The following PHF3 variants were observed in gnomAD, a reference collection of about 807,000 sequenced individuals.
The protein encoded by PHF3 is PHD finger protein 3.
A neutral mutation model predicts 178.4 loss-of-function variants in PHF3; 41 were observed. The observed-to-expected ratio is 0.23, with a 90% CI of 0.18 to 0.30. PHF3 has a LOEUF of 0.30. Ranked by LOEUF, PHF3 falls within the 10% of genes least tolerant of loss-of-function variation. The pLI, the probability that PHF3 is intolerant of heterozygous loss-of-function variation, is 1.00. For synonymous variants in PHF3, 842 were observed against 800.5 expected, an observed-to-expected ratio of 1.05 and a Z score of -0.88; for missense variants, 2,346 against 2,398.1, an observed-to-expected ratio of 0.98 and a Z score of 0.45.
At chr6:63,696,540 A>G (rs1767236763) in intron 6 of PHF3, among the ~76,000 whole-genome samples, 1 of 152,192 alleles carries the variant, frequency 6.6e-6, no homozygotes, top group South Asian at 2.1e-4. Flanking sequence ...GCTGGTCTCA[A>G]ACTCCTGGCC....
At position 63,723,623 on chromosome 6, in the gene PHF3, G is replaced by C. The variant is rs1025763576; in HGVS notation, c.*9915G>C. Among the ~76,000 whole-genome samples, 3 of 151,950 alleles carry C rather than the reference G, an allele frequency of 2.0e-5. No individual in the cohort carries two copies. The highest frequency in any genetic ancestry group is 4.4e-5 in the Non-Finnish European group (3 of 67,992). ...AGCAAGGATAGCTTCTGCGAAGAAA[G>C]GATTATTTTAACTCAGCTAGTATGT... On this transcript the variant is annotated 3_prime_UTR_variant, in exon 16 of 16. Transcript: ENST00000262043.
chr6:63,712,118 A>G lies in PHF3; in HGVS notation c.4530A>G (p.Thr1510=), dbSNP rs76642076. 1.1e-4 allele frequency: 179 copies of G among 1,613,548 alleles called. 1 individual carries two copies. The African/African-American group carries it at 2.0e-3, about 18-fold the overall frequency. Residue 1510 remains threonine (T), a synonymous_variant, in exon 16 of 16, where the codon ACA becomes ACG. Coordinates refer to ENST00000262043, the MANE Select transcript of PHF3 (RefSeq NM_001370348.2). ...AGACCAACTCAAAAATAGAGAAAAC[A>G]GATAATGTGGAAGTAACTGATGGTG... is the stretch of plus-strand genomic sequence containing the variant. ...NEQTNSKIEK[T]DNVEVTDGEN...
chr6:63,714,786 T>G lies in PHF3; in HGVS notation c.*1078T>G, dbSNP rs1768128127. On this transcript the variant is annotated 3_prime_UTR_variant, in exon 16 of 16. Coordinates refer to ENST00000262043, the MANE Select transcript of PHF3 (RefSeq NM_001370348.2). ...CATTAAAATTAAAGACCGCAGAACT[T>G]GAAGAGAAATATGTTTTGAATCCTT... is the stretch of plus-strand genomic sequence containing the variant. The G allele has an allele frequency of 6.6e-6, 1 of 152,048 alleles. No homozygotes were observed. Among genetic ancestry groups the G allele is most frequent in the Admixed American group, 6.6e-5 (1 of 15,238 alleles). 9.4% of individuals were successfully genotyped at this position (152,048 alleles called of 1,614,324 possible).
Position 63,718,917 on chromosome 6 carries a change from C to T in PHF3, c.*5209C>T, listed in dbSNP as rs1362399407. On this transcript the variant is annotated 3_prime_UTR_variant, in exon 16 of 16. Transcript: ENST00000262043. ...AAAGGAATTTCTTCAGAGCATTTAT[C>T]CTTATGATCTGAGTATCTCCAAAGT... 6.6e-6 allele frequency among the ~76,000 whole-genome samples: 1 copy of T among 151,916 alleles called. No individual in the cohort carries two copies. The highest frequency in any genetic ancestry group is 1.5e-5 in the Non-Finnish European group (1 of 67,904).
chr6:63,703,158 G>A (rs1193794860), intron 10 of PHF3, among the ~76,000 whole-genome samples: 1 of 152,196 alleles, frequency 6.6e-6, no homozygotes, highest in Non-Finnish European at 1.5e-5. Flanking sequence ...GATCACAGGT[G>A]TGAGCCACCG....
At chr6:63,653,210 T>G (rs983920736) in intron 2 of PHF3, among the ~76,000 whole-genome samples, 12 of 151,762 alleles carry the variant, frequency 7.9e-5, no homozygotes, top group African/African-American at 2.2e-4. Flanking sequence ...TGGGGATTTT[T>G]TTTTCTATTT....
chr6:63,710,913 C>G (rs567458147), intron 14 of PHF3, among the ~76,000 whole-genome samples: 1 of 152,268 alleles, frequency 6.6e-6, no homozygotes, highest in African/African-American at 2.4e-5. Context: ...TCATTAATCA[C>G]CTTTGGACTC....
At chr6:63,665,690 T>C (rs1408059069) in intron 2 of PHF3, among the ~76,000 whole-genome samples, 1 of 152,028 alleles carries the variant, frequency 6.6e-6, no homozygotes, top group Non-Finnish European at 1.5e-5. Context: ...GGCTTCATCA[T>C]GTTGGCCAGG....
chr6:63,663,661 A>G (rs1452910839), intron 2 of PHF3, among the ~76,000 whole-genome samples: 1 of 152,146 alleles, frequency 6.6e-6, no homozygotes, highest in Non-Finnish European at 1.5e-5. Context: ...GGTTTTAGTT[A>G]GGATTACACT....
intron 2 of PHF3, among the ~76,000 whole-genome samples, chr6:63,666,349 T>G (rs865783557): frequency 1.8e-4 from 28 of 152,056 alleles, no homozygotes; most frequent in African/African-American, 6.5e-4. Flanking sequence ...TATTCTTGAG[T>G]TCATCTTAGT....
chr6:63,647,824 A>G (rs951309016), intron 2 of PHF3, among the ~76,000 whole-genome samples: 3 of 152,196 alleles, frequency 2.0e-5, no homozygotes, highest in African/African-American at 7.2e-5. Context: ...TAAAGGTAAA[A>G]TCAGCCTCCC....
At chr6:63,639,472 T>C (rs1764484451) in intron 1 of PHF3, among the ~76,000 whole-genome samples, 1 of 152,206 alleles carries the variant, frequency 6.6e-6, no homozygotes, top group South Asian at 2.1e-4. Flanking sequence ...GCTAAGTGCA[T>C]ATTCCTGTTT....
At chr6:63,695,804 G>C (rs539805485) in intron 6 of PHF3, among the ~76,000 whole-genome samples, 1 of 152,260 alleles carries the variant, frequency 6.6e-6, no homozygotes, top group African/African-American at 2.4e-5. Context: ...TGATGGGTTA[G>C]ATATAGGTTG....
chr6:63,651,937 A>G (rs1311488081), intron 2 of PHF3, among the ~76,000 whole-genome samples: 1 of 151,996 alleles, frequency 6.6e-6, no homozygotes, highest in Non-Finnish European at 1.5e-5. Context: ...ACATTTTCTT[A>G]TTCATCCACC....
chr6:63,703,719 A>C, intron 11 of PHF3, 48 bp downstream of exon 11: 1 of 1,551,590 alleles, frequency 6.4e-7, no homozygotes, highest in Non-Finnish European at 8.7e-7. Flanking sequence ...TTATGAAAGA[A>C]GGATACTTAG....
intron 1 of PHF3, among the ~76,000 whole-genome samples, chr6:63,642,646 C>T (rs1369774185): frequency 6.6e-6 from 1 of 152,124 alleles, no homozygotes; most frequent in Non-Finnish European, 1.5e-5. Context: ...GTATCATCAG[C>T]CATTTAAAAT....
chr6:63,680,641 A>G (rs1766395529), intron 3 of PHF3, among the ~76,000 whole-genome samples: 1 of 151,780 alleles, frequency 6.6e-6, no homozygotes, highest in Non-Finnish European at 1.5e-5. Context: ...CTTTTCTTGT[A>G]TGACTTCTTG....
chr6:63,676,836 T>G (rs1004396504), intron 2 of PHF3, among the ~76,000 whole-genome samples: 1 of 152,162 alleles, frequency 6.6e-6, no homozygotes, highest in African/African-American at 2.4e-5. Flanking sequence ...TAGAGAAACC[T>G]GGGACACTAG....
In PHF3 at chr6:63,721,000, T is replaced by A; in HGVS notation, c.*7292T>A. 7.7e-6 allele frequency: 12 copies of A among 1,551,332 alleles called. No homozygotes were observed. The highest frequency in any genetic ancestry group is 1.0e-5 in the Non-Finnish European group (12 of 1,146,738). Reference sequence around the variant, plus strand: ...TTCAAGGTCTGATTATGGAGACCAATTGCCAGAAAATCATTTTCTTCATTT... The same window carrying A: ...TTCAAGGTCTGATTATGGAGACCAAATGCCAGAAAATCATTTTCTTCATTT... On this transcript the variant is annotated 3_prime_UTR_variant, in exon 16 of 16. Coordinates refer to ENST00000262043, the MANE Select transcript of PHF3 (RefSeq NM_001370348.2).
Sources: gnomAD v4.1 joint callset for allele counts (sites outside exome capture counted in the v4.1 genomes callset) on GRCh38, gnomAD v4.1.1 for gene constraint, MANE v1.5 for transcripts, NCBI Gene and HGNC (gene_info 2026-07-23, HGNC 2026-07-21) for gene names.